Variants in ATAD2B observed in about 807,000 individuals in gnomAD.
ATAD2B encodes ATPase family AAA domain-containing protein 2B.
In ATAD2B, 40 loss-of-function variants were observed where a neutral mutation model predicts 167.6. That is an observed-to-expected ratio of 0.24 (90% CI 0.19 to 0.31). The LOEUF (loss-of-function observed/expected upper bound fraction) is 0.31. ATAD2B is among the 10% of genes least tolerant of loss of function. The pLI, the probability that ATAD2B is intolerant of heterozygous loss-of-function variation, is 1.00. For missense variants in ATAD2B, 1,242 were observed against 1,757.2 expected, an observed-to-expected ratio of 0.71 and a Z score of 5.24; for synonymous variants, 579 against 596.5, an observed-to-expected ratio of 0.97 and a Z score of 0.43.
intron 6 of ATAD2B, among the ~76,000 whole-genome samples, chr2:23,884,486 A>C (rs1698406595): frequency 6.6e-6 from 1 of 152,212 alleles, no homozygotes; most frequent in African/African-American, 2.4e-5. Flanking sequence ...GAAGCAAATG[A>C]GCCCAAAGTA....
At chr2:23,716,705 G>C in the ATAD2B span, among the ~76,000 whole-genome samples, 11 of 152,254 alleles carry the variant, frequency 7.2e-5, no homozygotes, top group Admixed American at 4.6e-4. Context: ...GGATAAACAA[G>C]ACAAAACTGC....
rs1425120466 is a variant in ATAD2B at position 23,748,671 on chromosome 2, C to G, written c.*3375G>C. On this transcript the variant is annotated 3_prime_UTR_variant, in exon 28 of 28. Transcript: ENST00000238789. ...TTAAGCTAAAGAAAGACATGTTTTT[C>G]TTGTCATCTTTATTCAAGTATTTCA... is the stretch of plus-strand genomic sequence containing the variant. 6.6e-6 allele frequency: 1 copy of G among 152,106 alleles called. No individual in the cohort carries two copies. The highest frequency in any genetic ancestry group is 1.5e-5 in the Non-Finnish European group (1 of 67,986). The allele number at this position is 152,106 out of a possible 1,614,324, so 9.4% of individuals were successfully genotyped here.
the ATAD2B span, chr2:23,706,868 C>G: frequency 1.0e-5 from 5 of 487,178 alleles, no homozygotes; most frequent in Non-Finnish European, 1.8e-5. Context: ...CGCTTGGAGC[C>G]GCAGGAACCA....
At chr2:23,837,897 CTT>C (rs1289886196) in intron 13 of ATAD2B, among the ~76,000 whole-genome samples, 1 of 152,168 alleles carries the variant, frequency 6.6e-6, no homozygotes, top group Non-Finnish European at 1.5e-5. Context: ...AAAAGTATGA[CTT>C]AAACATTTCT....
At chr2:23,912,521 G>C (rs1446301280) in intron 1 of ATAD2B, among the ~76,000 whole-genome samples, 1 of 151,166 alleles carries the variant, frequency 6.6e-6, no homozygotes, top group Non-Finnish European at 1.5e-5. Context: ...AAAAACGAAA[G>C]GAAAAGAAAT....
chr2:23,841,374 G>A (rs1048812177), intron 13 of ATAD2B, among the ~76,000 whole-genome samples: 2 of 151,992 alleles, frequency 1.3e-5, no homozygotes, highest in Non-Finnish European at 2.9e-5. Context: ...TAGTATTTAC[G>A]TGATATAATT....
chr2:23,897,889 C>T (rs931778751), intron 1 of ATAD2B, among the ~76,000 whole-genome samples: 3 of 152,172 alleles, frequency 2.0e-5, no homozygotes, highest in South Asian at 2.1e-4. Flanking sequence ...GTTACTGAGG[C>T]GTCACTGCAA....
chr2:23,839,004 G>C (rs1052879169), intron 13 of ATAD2B, among the ~76,000 whole-genome samples: 1 of 152,076 alleles, frequency 6.6e-6, no homozygotes, highest in Non-Finnish European at 1.5e-5. Context: ...TGTAACATGA[G>C]ACTTCTTAGA....
the ATAD2B span, among the ~76,000 whole-genome samples, chr2:23,684,838 C>T: frequency 6.6e-6 from 1 of 152,202 alleles, no homozygotes; most frequent in African/African-American, 2.4e-5. This position sits in a 1 kb window ranked among gnomAD's most constrained non-coding sequence, Gnocchi z 4.4. Context: ...CCCAGGTTCT[C>T]AGTGGCTCAC....
chr2:23,765,780 A>G (rs1359365990), intron 22 of ATAD2B, among the ~76,000 whole-genome samples, 152 bp from the exon 23 acceptor site: 1 of 152,190 alleles, frequency 6.6e-6, no homozygotes, highest in Non-Finnish European at 1.5e-5. Context: ...AAAAATAAAT[A>G]TACTAAGCTA....
At chr2:23,763,171 T>C (rs1011702033) in intron 23 of ATAD2B, among the ~76,000 whole-genome samples, 3 of 152,218 alleles carry the variant, frequency 2.0e-5, no homozygotes, top group Admixed American at 6.5e-5. Flanking sequence ...ATTGGGAGTA[T>C]TAGTATCTAC....
Position 23,823,319 on chromosome 2 carries a change from G to T in ATAD2B, c.2070C>A (p.Ile690=). 6.2e-7 allele frequency: 1 copy of T among 1,613,714 alleles called. No individual in the cohort carries two copies. The highest frequency in any genetic ancestry group is 8.5e-7 in the Non-Finnish European group (1 of 1,179,768). The stretch of plus-strand genomic sequence containing the variant: ...GAAACACTTTTTGCAAGACTGCTAG[G>T]ATGTTGTTGAAGCTTCTTTCCAGCA... ...RPLLERSFNN[I]LAVLQKVFPH... The change falls in exon 16 of 28, where the codon ATC becomes ATA. Residue 690 remains isoleucine (I), a synonymous_variant. Transcript: ENST00000238789.
chr2:23,913,833 G>A (rs939543565), intron 1 of ATAD2B, among the ~76,000 whole-genome samples: 1 of 151,890 alleles, frequency 6.6e-6, no homozygotes, highest in Admixed American at 6.6e-5. Context: ...CTGGTAGAAC[G>A]GCTCATGCCT....
rs555031107 is a variant in ATAD2B, at chr2:23,809,873, A to C, written c.2454+443T>G. 1.3e-3 allele frequency among the ~76,000 whole-genome samples: 202 copies of C among 152,330 alleles called. 7 individuals carry two copies. In the South Asian group the frequency reaches 0.04, roughly 30 times the overall value. ...ATCAAATGTCAAATACACAACTGTC[A>C]ACACAAATATCTATAATTTTTGAAC... is the stretch of plus-strand genomic sequence containing the variant. On this transcript the variant is annotated intron_variant, in intron 18 of 27. Coordinates refer to ENST00000238789, the MANE Select transcript of ATAD2B (RefSeq NM_017552.4).
At chr2:23,790,673 A>G (rs943279942) in intron 19 of ATAD2B, among the ~76,000 whole-genome samples, 1 of 152,306 alleles carries the variant, frequency 6.6e-6, no homozygotes, top group Non-Finnish European at 1.5e-5. Context: ...CAAGCCTTCC[A>G]TAATTCCCAG....
intron 13 of ATAD2B, among the ~76,000 whole-genome samples, chr2:23,834,656 A>C (rs1689640238): frequency 6.6e-6 from 1 of 152,222 alleles, no homozygotes; most frequent in Non-Finnish European, 1.5e-5. Context: ...GGAAAGTAAA[A>C]ATATAACCTA....
intron 2 of ATAD2B, among the ~76,000 whole-genome samples, chr2:23,893,587 C>G (rs1447285383): frequency 6.7e-6 from 1 of 149,600 alleles, no homozygotes; most frequent in Non-Finnish European, 1.5e-5. Flanking sequence ...TTCAGGTCAT[C>G]TGAAACATCA....
At chr2:23,736,094 C>A in the ATAD2B span, among the ~76,000 whole-genome samples, 1 of 152,250 alleles carries the variant, frequency 6.6e-6, no homozygotes, top group East Asian at 1.9e-4. Context: ...ATCAAGCAAA[C>A]TAGAAAGTTT....
At chr2:23,857,081 T>G in intron 13 of ATAD2B, among the ~76,000 whole-genome samples, 1 of 152,032 alleles carries the variant, frequency 6.6e-6, no homozygotes, top group East Asian at 1.9e-4. Context: ...AAAGCCCACA[T>G]AGTAAATGTT....
Sources: allele counts gnomAD v4.1 joint callset (sites outside exome capture counted in the v4.1 genomes callset), GRCh38; gene constraint gnomAD v4.1.1; non-coding constraint Gnocchi (gnomAD v3.1); transcripts MANE v1.5; gene names NCBI Gene and HGNC (gene_info 2026-07-23, HGNC 2026-07-21).